NARF: variants seen among roughly 807,000 people sequenced by gnomAD.
NARF encodes iron-only hydrogenase-like protein 2.
NARF carries 41 observed loss-of-function variants against 48.0 expected under a neutral mutation model. That is an observed-to-expected ratio of 0.85 (90% CI 0.66 to 1.11). NARF has a LOEUF of 1.11. Among genes scored for constraint, NARF ranks in the 50% least tolerant of loss-of-function variants. NARF has a pLI of 0.00. For synonymous variants in NARF, 215 were observed against 225.5 expected (o/e 0.95, Z 0.42); for missense variants, 613 against 590.2 (o/e 1.04, Z -0.40).
chr17:82,477,433 G>A (rs2043858376), intron 5 of NARF, among the ~76,000 whole-genome samples: 1 of 151,946 alleles, frequency 6.6e-6, no homozygotes, highest in Non-Finnish European at 1.5e-5. Context: ...GAACCCGGGA[G>A]CCAGAGGTTA....
At chr17:82,464,536 A>G in intron 3 of NARF, 106 bp downstream of exon 3, 3 of 1,372,666 alleles carry the variant, frequency 2.2e-6, no homozygotes, top group Non-Finnish European at 2.9e-6. Flanking sequence ...TCGGATGCAC[A>G]TCTCAGCCTT....
intron 4 of NARF, among the ~76,000 whole-genome samples, chr17:82,471,772 A>G (rs1230175128): frequency 7.3e-6 from 1 of 137,036 alleles, no homozygotes; most frequent in African/African-American, 2.8e-5. Flanking sequence ...AGCTTGCGCG[A>G]AAGAGTGAGA....
chr17:82,472,698 G>A lies in NARF; in HGVS notation c.520G>A (p.Gly174Ser), dbSNP rs2043740694. ...TLPMLTSACPGWVRYAERVLG... is the reference protein window; with the variant it reads ...TLPMLTSACPSWVRYAERVLG... ...GCCCATGCTGACCTCTGCCTGTCCT[G>A]GTGAGCCCCTGGACCCCCGCTCTGT... is the stretch of plus-strand genomic sequence containing the variant. The change falls in exon 5 of 11, where the codon GGC (glycine) becomes AGC (serine). Residue 174 changes from glycine to serine, a missense_variant and splice_region_variant. Gly to Ser is a moderately conservative substitution (Grantham distance 56, BLOSUM62 0). Coordinates refer to ENST00000309794, the MANE Select transcript of NARF (RefSeq NM_012336.4). 1 of 1,611,850 alleles carries A rather than the reference G, an allele frequency of 6.2e-7. No homozygotes were observed. Among genetic ancestry groups the A allele is most frequent in the Non-Finnish European group, 8.5e-7 (1 of 1,179,354 alleles).
intron 3 of NARF, 138 bp from the exon 4 acceptor site, chr17:82,468,626 G>T: frequency 1.3e-6 from 1 of 775,016 alleles, no homozygotes; most frequent in Admixed American, 3.1e-5. Flanking sequence ...TCTTAATTAT[G>T]TTTGCCAGTG....
At chr17:82,474,218 C>G (rs1305161312) in intron 5 of NARF, among the ~76,000 whole-genome samples, 1 of 152,054 alleles carries the variant, frequency 6.6e-6, no homozygotes, top group African/African-American at 2.4e-5. Flanking sequence ...TACAACATAT[C>G]TCAGATGTAC....
At position 82,468,796 on chromosome 17, in the gene NARF, A is replaced by C. The variant is rs750235213; in HGVS notation, c.285A>C (p.Val95=). ...KCDTSKHKVL[V]VSVCPQSLPY... is the part of the protein sequence containing the mutation. The stretch of plus-strand genomic sequence containing the variant: ...ATACCTCAAAGCACAAAGTGCTGGT[A>C]GTGTCTGTGTGTCCTCAATCTTTGC... Residue 95 remains valine, a synonymous_variant, in exon 4 of 11, where the codon GTA becomes GTC. Transcript: ENST00000309794. The C allele has an allele frequency of 3.1e-6, 5 of 1,614,092 alleles. No homozygotes were observed. The Admixed American group carries it at 8.3e-5, about 27-fold the overall frequency.
rs1267815766 is a variant in NARF at position 82,481,169 on chromosome 17, G to A, written c.727G>A (p.Ala243Thr). ...LEALQESLPP[A>T]LHGSRGADCV... Reference sequence around the variant, plus strand: ...GGCTCTTCAGGAAAGCCTTCCCCCTGCTTTGCATGGCTCCCGGGGCGCTGA... The same window carrying A: ...GGCTCTTCAGGAAAGCCTTCCCCCTACTTTGCATGGCTCCCGGGGCGCTGA... The change falls in exon 7 of 11, where the codon GCT becomes ACT. Residue 243 changes from alanine to threonine, a missense_variant. Ala to Thr is a moderately conservative substitution (Grantham distance 58). Transcript: ENST00000309794. The A allele has an allele frequency of 6.2e-7, 1 of 1,614,106 alleles. No homozygotes were observed. Among genetic ancestry groups the A allele is most frequent in the East Asian group, 2.2e-5 (1 of 44,870 alleles).
chr17:82,479,519 G>T (rs1198442973), intron 6 of NARF, among the ~76,000 whole-genome samples: 4 of 152,132 alleles, frequency 2.6e-5, no homozygotes, highest in Non-Finnish European at 1.5e-5. Flanking sequence ...GCGGCCCCCA[G>T]GTCCTCCCAG....
chr17:82,472,499 G>A (rs946311813), intron 4 of NARF, 65 bp from the exon 5 acceptor site: 39 of 1,302,470 alleles, frequency 3.0e-5, no homozygotes, highest in Middle Eastern at 2.2e-4. Flanking sequence ...AAAAAAAAAA[G>A]AGGAAGCCTA....
chr17:82,481,694 C>A, intron 7 of NARF: 1 of 402,848 alleles, frequency 2.5e-6, no homozygotes, highest in South Asian at 1.8e-5. Flanking sequence ...CGCGCCATTA[C>A]CCTCCAGCCT....
At position 82,458,771 on chromosome 17, in the gene NARF, G is replaced by A; in HGVS notation, c.-33G>A. Reference sequence around the variant, plus strand: ...AGTCTCCCGGTGCTTCCCTGAGGCTGAGGCGCCCGGCCTCCCGCCCGCCGC... The same window carrying A: ...AGTCTCCCGGTGCTTCCCTGAGGCTAAGGCGCCCGGCCTCCCGCCCGCCGC... On this transcript the variant is annotated 5_prime_UTR_variant, in exon 1 of 11. Transcript: ENST00000309794. 6.8e-7 allele frequency: 1 copy of A among 1,468,500 alleles called. No homozygotes were observed. Among genetic ancestry groups the A allele is most frequent in the African/African-American group, 1.5e-5 (1 of 68,000 alleles). The allele number at this position is 1,468,500 out of a possible 1,614,324, so 91.0% of individuals were successfully genotyped here. A position where few individuals can be genotyped will look rare whatever the true frequency, so the allele number is the denominator to read the frequency against.
At chr17:82,459,404 T>C (rs1411452274) in intron 1 of NARF, 1 of 158,618 alleles carries the variant, frequency 6.3e-6, no homozygotes, top group Non-Finnish European at 1.4e-5. Flanking sequence ...CTTCCTAACA[T>C]TCCATGGGTC....
intron 1 of NARF, chr17:82,459,039 C>T (rs1460867872): frequency 1.1e-5 from 13 of 1,206,994 alleles, no homozygotes; most frequent in Admixed American, 4.4e-5. Context: ...TCGCGGTTCT[C>T]CCTGAACTTG....
At chr17:82,479,002 T>G in intron 6 of NARF, 84 bp downstream of exon 6, 1 of 1,324,976 alleles carries the variant, frequency 7.5e-7, no homozygotes, top group South Asian at 1.4e-5. Context: ...GTTCCCCATC[T>G]GTCCAGCGTG....
chr17:82,476,365 C>T (rs2143906873), intron 5 of NARF, among the ~76,000 whole-genome samples: 1 of 152,286 alleles, frequency 6.6e-6, no homozygotes, highest in Middle Eastern at 3.4e-3. Context: ...CAGTCTCAAA[C>T]TCCTGACCTC....
rs767363168 is a variant in NARF, at chr17:82,480,552, TGAA to T, written c.640-527_640-525del. The T allele has an allele frequency of 6.9e-5, 28 of 405,400 alleles. No individual in the cohort carries two copies. In the Admixed American group the frequency reaches 1.2e-3, roughly 17 times the overall value. 25.1% of individuals were successfully genotyped at this position (405,400 alleles called of 1,614,324 possible). A position where few individuals can be genotyped will look rare whatever the true frequency, so the allele number is the denominator to read the frequency against. ...ATGGAGTGCTGGTGCTCGGTAGAGTTGAAGAGGGGATGGGAGCCAGATGTGGCT... is the reference window on the plus strand; with the variant it reads ...ATGGAGTGCTGGTGCTCGGTAGAGTTGAGGGGATGGGAGCCAGATGTGGCT... On this transcript the variant is annotated intron_variant, in intron 6 of 10. Transcript: ENST00000309794.
At chr17:82,475,545 C>T (rs1184621727) in intron 5 of NARF, among the ~76,000 whole-genome samples, 2 of 152,150 alleles carry the variant, frequency 1.3e-5, no homozygotes, top group Admixed American at 1.3e-4. Context: ...TGCAGTGAGC[C>T]GTGATTGCAC....
chr17:82,477,637 C>T (rs1208246166), intron 5 of NARF: 1 of 152,246 alleles, frequency 6.6e-6, no homozygotes, highest in African/African-American at 2.4e-5. Flanking sequence ...GCCTCAGTCT[C>T]CCAAGTAGCT....
At position 82,468,809 on chromosome 17, in the gene NARF, C is replaced by T; in HGVS notation, c.298C>T (p.Pro100Ser). The T allele has an allele frequency of 6.2e-7, 1 of 1,614,012 alleles. No individual in the cohort carries two copies. ...CAAAGTGCTGGTAGTGTCTGTGTGT[C>T]CTCAATCTTTGCCTTATTTTGCTGC... ...KHKVLVVSVCPQSLPYFAAKF... is the reference protein window; with the variant it reads ...KHKVLVVSVCSQSLPYFAAKF... The change falls in exon 4 of 11, where the codon CCT (proline) becomes TCT (serine). Residue 100 changes from proline to serine, a missense_variant. Transcript: ENST00000309794.
Sources: allele counts gnomAD v4.1 joint callset (sites outside exome capture counted in the v4.1 genomes callset), GRCh38; gene constraint gnomAD v4.1.1; transcripts MANE v1.5; gene names NCBI Gene and HGNC (gene_info 2026-07-23, HGNC 2026-07-21).